Variants in ATXN1 observed in about 807,000 individuals in gnomAD.
The protein encoded by ATXN1 is ataxin-1.
In ATXN1, 8 loss-of-function variants were observed where a neutral mutation model predicts 56.4. That is an observed-to-expected ratio of 0.14 (90% confidence interval 0.08 to 0.26). ATXN1 has a LOEUF of 0.26. Among genes scored for constraint, ATXN1 ranks in the 10% least tolerant of loss-of-function variants. The pLI is 1.00. For synonymous variants in ATXN1, 514 were observed against 494.6 expected (o/e 1.04, Z -0.52); for missense variants, 987 against 1,106.5 (o/e 0.89, Z 1.53).
At chr6:16,578,262 A>G (rs888877757) in intron 4 of ATXN1, among the ~76,000 whole-genome samples, 9 of 152,124 alleles carry the variant, frequency 5.9e-5, no homozygotes, top group African/African-American at 2.2e-4. Context: ...CTTTTGAGAG[A>G]TATGATGTTC....
chr6:16,396,271 A>AT lies in ATXN1; in HGVS notation c.-160-67802_-160-67801insA, dbSNP rs61455187. Among the ~76,000 whole-genome samples the AT allele has an allele frequency of 6.1e-5, 9 of 147,766 alleles. No homozygotes were observed. In the East Asian group the frequency reaches 1.7e-3, roughly 29 times the overall value. On this transcript the variant is annotated intron_variant, in intron 6 of 7. Coordinates refer to ENST00000436367, the MANE Select transcript of ATXN1 (RefSeq NM_001128164.2). The stretch of plus-strand genomic sequence containing the variant: ...TTAACAGAAAACTTAAAAAAAAAAA[A>AT]CTTTTTTTAATAAGAAAAAGCTTAT...
At chr6:16,336,287 T>C (rs577590197) in intron 6 of ATXN1, among the ~76,000 whole-genome samples, 102 of 152,236 alleles carry the variant, frequency 6.7e-4, no homozygotes, top group Non-Finnish European at 7.4e-4. Context: ...GGCAGCCTCA[T>C]AGCAAATATG....
chr6:16,566,331 G>A (rs987167198), intron 4 of ATXN1, among the ~76,000 whole-genome samples: 2 of 151,944 alleles, frequency 1.3e-5, no homozygotes, highest in African/African-American at 2.4e-5. Flanking sequence ...GTTTTTTGTA[G>A]GGTCAAAGAG....
At chr6:16,313,869 T>G (rs1760454136) in intron 7 of ATXN1, among the ~76,000 whole-genome samples, 1 of 152,204 alleles carries the variant, frequency 6.6e-6, no homozygotes, top group African/African-American at 2.4e-5. Context: ...CCTGGCCTGT[T>G]AATGAAATTT....
intron 2 of ATXN1, among the ~76,000 whole-genome samples, chr6:16,666,357 G>C (rs760472080): frequency 6.6e-5 from 10 of 152,120 alleles, no homozygotes; most frequent in Non-Finnish European, 1.5e-4. Flanking sequence ...CTGTGTATAT[G>C]TACCTTATTT....
intron 5 of ATXN1, among the ~76,000 whole-genome samples, chr6:16,510,717 G>A (rs1761068405): frequency 6.6e-6 from 1 of 152,106 alleles, no homozygotes; most frequent in Admixed American, 6.5e-5. Flanking sequence ...CAGCCTGGGT[G>A]ACAGAGTGAG....
intron 6 of ATXN1, among the ~76,000 whole-genome samples, chr6:16,397,702 T>C (rs1758484518): frequency 6.6e-6 from 1 of 152,242 alleles, no homozygotes; most frequent in Non-Finnish European, 1.5e-5. Flanking sequence ...AAATCATTGC[T>C]GTCCAGAGTT....
chr6:16,628,497 T>A (rs1282992318), intron 3 of ATXN1, among the ~76,000 whole-genome samples: 1 of 152,350 alleles, frequency 6.6e-6, no homozygotes, highest in Non-Finnish European at 1.5e-5. Flanking sequence ...CAGGGGTACA[T>A]GTGCAGGTTT....
intron 5 of ATXN1, among the ~76,000 whole-genome samples, chr6:16,516,919 C>G (rs1035648862): frequency 6.6e-6 from 1 of 152,232 alleles, no homozygotes; most frequent in South Asian, 2.1e-4. Flanking sequence ...TTTCCTTCCT[C>G]TCATCATTTT....
chr6:16,528,169 T>G (rs376290857), intron 4 of ATXN1, among the ~76,000 whole-genome samples: 1 of 151,808 alleles, frequency 6.6e-6, no homozygotes, highest in Non-Finnish European at 1.5e-5. Context: ...GGTGTCCTGG[T>G]GCACGCCTGT....
At chr6:16,702,316 C>A (rs1402268455) in intron 2 of ATXN1, among the ~76,000 whole-genome samples, 3 of 152,186 alleles carry the variant, frequency 2.0e-5, no homozygotes, top group African/African-American at 7.2e-5. Context: ...CTTCCTTACA[C>A]CTTATACAAA....
At chr6:16,468,321 G>A (rs1360793377) in intron 6 of ATXN1, among the ~76,000 whole-genome samples, 3 of 152,178 alleles carry the variant, frequency 2.0e-5, no homozygotes, top group Non-Finnish European at 4.4e-5. Context: ...GAGTAGCTGG[G>A]ACTACAGGCG....
chr6:16,705,159 G>T (rs192920977), intron 2 of ATXN1, among the ~76,000 whole-genome samples: 1 of 152,212 alleles, frequency 6.6e-6, no homozygotes, highest in African/African-American at 2.4e-5. Context: ...GGACTTGGGG[G>T]AGGGCTAAAG....
In ATXN1 at chr6:16,552,763, C is replaced by A. The variant is rs139554502; in HGVS notation, c.-360-30075G>T. On this transcript the variant is annotated intron_variant, in intron 4 of 7. Coordinates refer to ENST00000436367, the MANE Select transcript of ATXN1 (RefSeq NM_001128164.2). ...AGAACATTGCCTTACGGGGGTGTAT[C>A]ACCTTGAAGTCTGTTTACCTGCTGG... Among the ~76,000 whole-genome samples the A allele has an allele frequency of 7.7e-4, 117 of 152,328 alleles. 3 individuals carry two copies. The East Asian group carries it at 0.021, about 28-fold the overall frequency.
intron 6 of ATXN1, among the ~76,000 whole-genome samples, chr6:16,349,157 A>G (rs1394388931): frequency 6.6e-6 from 1 of 152,182 alleles, no homozygotes; most frequent in Non-Finnish European, 1.5e-5. Flanking sequence ...TTTCTAAGAA[A>G]GGCCCTCTTC....
At chr6:16,590,061 A>G (rs552404742) in intron 3 of ATXN1, among the ~76,000 whole-genome samples, 1 of 152,344 alleles carries the variant, frequency 6.6e-6, no homozygotes, top group Admixed American at 6.5e-5. Flanking sequence ...GTAATTATAA[A>G]TACTTACTGT....
chr6:16,754,801 C>T (rs1415557317), intron 1 of ATXN1: 1 of 152,138 alleles, frequency 6.6e-6, no homozygotes, highest in African/African-American at 2.4e-5. Context: ...TCTTTCAGAT[C>T]TTTAGAAGGC....
intron 6 of ATXN1, among the ~76,000 whole-genome samples, chr6:16,466,317 CA>C (rs200261208): frequency 1.6e-3 from 126 of 79,816 alleles, no homozygotes; most frequent in Middle Eastern, 8.6e-3. Context: ...GACCCCATCT[CA>C]AAAAAAAAAA....
intron 3 of ATXN1, among the ~76,000 whole-genome samples, chr6:16,606,796 G>A (rs1371979984): frequency 1.3e-5 from 2 of 151,328 alleles, no homozygotes; most frequent in East Asian, 3.9e-4. Context: ...CCGAAGTGCT[G>A]GGATTACAAG....
Sources: allele counts gnomAD v4.1 joint callset (sites outside exome capture counted in the v4.1 genomes callset), GRCh38; gene constraint gnomAD v4.1.1; transcripts MANE v1.5; gene names NCBI Gene and HGNC (gene_info 2026-07-23, HGNC 2026-07-21).